PAK1: variants seen among roughly 807,000 people sequenced by gnomAD.
PAK1 encodes the protein p21 (RAC1) activated kinase 1, also known as serine/threonine-protein kinase PAK 1.
In PAK1, 29 loss-of-function variants were observed where a neutral mutation model predicts 67.4. That is an observed-to-expected ratio of 0.43 (90% confidence interval 0.32 to 0.59). PAK1 has a LOEUF of 0.59. PAK1 is among the 20% of genes least tolerant of loss of function. The pLI, the probability that PAK1 is intolerant of heterozygous loss-of-function variation, is 0.07. For synonymous variants in PAK1, 223 were observed against 237.4 expected, an observed-to-expected ratio of 0.94 and a Z score of 0.56; for missense variants, 337 against 670.7, an observed-to-expected ratio of 0.50 and a Z score of 5.50.
At chr11:77,437,736 T>C (rs997921795) in intron 1 of PAK1, among the ~76,000 whole-genome samples, 2 of 114,172 alleles carry the variant, frequency 1.8e-5, no homozygotes, top group Non-Finnish European at 3.3e-5. Context: ...GAAATTCAAA[T>C]ATAGACTAAA....
chr11:77,420,518 T>C (rs1955201367), intron 1 of PAK1, among the ~76,000 whole-genome samples: 1 of 152,262 alleles, frequency 6.6e-6, no homozygotes, highest in African/African-American at 2.4e-5. Context: ...ATGGCAATTC[T>C]ACTCTTTCAG....
the PAK1 span, among the ~76,000 whole-genome samples, chr11:77,498,614 C>G: frequency 6.6e-6 from 1 of 151,292 alleles, no homozygotes. Flanking sequence ...TCTGAGCAAC[C>G]TCAAAAGAAT....
At chr11:77,324,871 G>A (rs188935048) in intron 14 of PAK1, among the ~76,000 whole-genome samples, 1 of 152,186 alleles carries the variant, frequency 6.6e-6, no homozygotes, top group Admixed American at 6.5e-5. Context: ...AACTTCTGTT[G>A]GGACAGAGAT....
chr11:77,489,462 C>G, the PAK1 span, among the ~76,000 whole-genome samples: 1 of 151,740 alleles, frequency 6.6e-6, no homozygotes, highest in Non-Finnish European at 1.5e-5. Context: ...CACGGTCTCC[C>G]TCTCCCTCTC....
At chr11:77,515,522 A>G in the PAK1 span, among the ~76,000 whole-genome samples, 6 of 152,174 alleles carry the variant, frequency 3.9e-5, no homozygotes, top group Non-Finnish European at 7.3e-5. Flanking sequence ...AATGCCTTCT[A>G]TGGATCATAG....
intron 2 of PAK1, among the ~76,000 whole-genome samples, chr11:77,384,259 G>C (rs969958153): frequency 3.3e-5 from 5 of 152,166 alleles, no homozygotes; most frequent in African/African-American, 1.2e-4. Context: ...CATGACTGCA[G>C]GCAGGAAGGC....
intron 1 of PAK1, among the ~76,000 whole-genome samples, chr11:77,418,895 A>G (rs1287718050): frequency 6.6e-6 from 1 of 152,228 alleles, no homozygotes; most frequent in Non-Finnish European, 1.5e-5. Context: ...AAAATGACTG[A>G]ACCAAATAAA....
At chr11:77,508,400 A>G in the PAK1 span, among the ~76,000 whole-genome samples, 1 of 152,186 alleles carries the variant, frequency 6.6e-6, no homozygotes, top group Non-Finnish European at 1.5e-5. Context: ...GGAGTGTGAC[A>G]GCAGTATGTT....
intron 1 of PAK1, among the ~76,000 whole-genome samples, chr11:77,422,323 G>A (rs931942125): frequency 1.3e-5 from 2 of 152,130 alleles, no homozygotes; most frequent in Non-Finnish European, 2.9e-5. Flanking sequence ...ACTCTGGGGA[G>A]GCTGAAGCGG....
intron 1 of PAK1, among the ~76,000 whole-genome samples, chr11:77,420,128 G>C (rs1223050828): frequency 6.6e-6 from 1 of 152,174 alleles, no homozygotes; most frequent in Non-Finnish European, 1.5e-5. Context: ...AAAGGTTCAT[G>C]GAAGAGGCAG....
rs185344261 is a variant in PAK1 at position 77,425,599 on chromosome 11, A to G, written c.-21-33058T>C. 2.6e-4 allele frequency among the ~76,000 whole-genome samples: 39 copies of G among 152,320 alleles called. No individual in the cohort carries two copies. The East Asian group carries it at 7.1e-3, about 28-fold the overall frequency. ...ATCTTCTGCCACATACACATTTGTT[A>G]TAACTCTTTTCACTTAAACTAATTA... On this transcript the variant is annotated intron_variant, in intron 1 of 14. Transcript: ENST00000356341.
chr11:77,492,009 A>G, the PAK1 span, among the ~76,000 whole-genome samples: 2 of 152,248 alleles, frequency 1.3e-5, no homozygotes, highest in Non-Finnish European at 2.9e-5. Context: ...CATGGAAATT[A>G]AAAGTTGAGT....
chr11:77,416,002 A>G (rs965326969), intron 1 of PAK1, among the ~76,000 whole-genome samples: 3 of 151,094 alleles, frequency 2.0e-5, no homozygotes, highest in African/African-American at 7.4e-5. Flanking sequence ...TATTAGAGAC[A>G]GAGTCTCACT....
chr11:77,388,179 G>A (rs1950684205), intron 2 of PAK1, among the ~76,000 whole-genome samples: 1 of 152,186 alleles, frequency 6.6e-6, no homozygotes, highest in Admixed American at 6.5e-5. Context: ...GCTATGAGAT[G>A]TATTTTCAGA....
chr11:77,430,379 C>T (rs965900819), intron 1 of PAK1, among the ~76,000 whole-genome samples: 1 of 152,154 alleles, frequency 6.6e-6, no homozygotes, highest in African/African-American at 2.4e-5. Context: ...CCTTGCTATT[C>T]GAAGAGTCCT....
Position 77,429,056 on chromosome 11 carries a change from TAAAAAAAAAAAAAAAAAAAAAAAA to T in PAK1, c.-21-36539_-21-36516del, listed in dbSNP as rs566874549. 1.1e-3 allele frequency among the ~76,000 whole-genome samples: 52 copies of T among 48,996 alleles called. No homozygotes were observed. In the South Asian group the frequency reaches 0.023, roughly 21 times the overall value. The allele number at this position is 48,996 out of a possible 152,430, so 32.1% of individuals were successfully genotyped here. On this transcript the variant is annotated intron_variant, in intron 1 of 14. Coordinates refer to ENST00000356341, the MANE Select transcript of PAK1 (RefSeq NM_002576.5). The stretch of plus-strand genomic sequence containing the variant: ...TTGGATTCTAAATGCCATTTAATAC[TAAAAAAAAAAAAAAAAAAAAAAAA>T]AAAAAAAAAAAAAACACACACACAC...
chr11:77,481,009 G>A, the PAK1 span, among the ~76,000 whole-genome samples: 1 of 152,142 alleles, frequency 6.6e-6, no homozygotes, highest in Non-Finnish European at 1.5e-5. Context: ...CAGGAGACAT[G>A]CTTTGTATAA....
At position 77,331,692 on chromosome 11, in the gene PAK1, G is replaced by A. The variant is rs371590386; in HGVS notation, c.1551+1038C>T. On this transcript the variant is annotated intron_variant, in intron 14 of 14. Transcript: ENST00000356341. ...AGAGATATACCTAATGCTAAATGAC[G>A]AGTTAATGGGTACAGCACACCAACA... Among the ~76,000 whole-genome samples the A allele has an allele frequency of 2.8e-4, 43 of 151,842 alleles. No individual in the cohort carries two copies. In the East Asian group the frequency reaches 5.3e-3, roughly 19 times the overall value.
the PAK1 span, among the ~76,000 whole-genome samples, chr11:77,517,604 G>A: frequency 6.6e-6 from 1 of 152,322 alleles, no homozygotes; most frequent in African/African-American, 2.4e-5. Context: ...ACCAGTGTGT[G>A]TATGTGGGGA....
Sources: gnomAD v4.1 joint callset for allele counts (sites outside exome capture counted in the v4.1 genomes callset) on GRCh38, gnomAD v4.1.1 for gene constraint, MANE v1.5 for transcripts, NCBI Gene and HGNC (gene_info 2026-07-23, HGNC 2026-07-21) for gene names.